The following SPTLC3 variants were observed in gnomAD, a reference collection of about 807,000 sequenced individuals.
SPTLC3 encodes serine palmitoyltransferase long chain base subunit 3.
SPTLC3 carries 36 observed loss-of-function variants against 59.3 expected under a neutral mutation model. That is an observed-to-expected ratio of 0.61 (90% CI 0.47 to 0.80). The LOEUF (loss-of-function observed/expected upper bound fraction) is 0.80. SPTLC3 is among the 30% of genes least tolerant of loss of function. The probability of loss-of-function intolerance (pLI) is 0.00; values close to 1 mark genes in which losing one functional copy is unlikely to be tolerated. For synonymous variants in SPTLC3, 257 were observed against 240.8 expected (o/e 1.07, Z -0.62); for missense variants, 625 against 685.1 (o/e 0.91, Z 0.98).
intron 8 of SPTLC3, among the ~76,000 whole-genome samples, chr20:13,119,510 A>G (rs1372907858): frequency 6.6e-6 from 1 of 152,220 alleles, no homozygotes; most frequent in African/African-American, 2.4e-5. Flanking sequence ...ACCATTATTT[A>G]CATTAATCGG....
intron 1 of SPTLC3, among the ~76,000 whole-genome samples, chr20:13,016,979 G>C (rs1985557617): frequency 6.6e-6 from 1 of 152,090 alleles, no homozygotes; most frequent in Non-Finnish European, 1.5e-5. Context: ...CAACTTATAA[G>C]TATCAAAACC....
At chr20:13,021,545 C>CA (rs1233452711) in intron 1 of SPTLC3, among the ~76,000 whole-genome samples, 4 of 140,250 alleles carry the variant, frequency 2.9e-5, no homozygotes. Context: ...CCACAACAGC[C>CA]CCCCCACCAA....
At chr20:13,061,796 G>C (rs1199449652) in intron 2 of SPTLC3, among the ~76,000 whole-genome samples, 1 of 152,108 alleles carries the variant, frequency 6.6e-6, no homozygotes, top group African/African-American at 2.4e-5. Flanking sequence ...TCTCACCTCA[G>C]ATGTACCCTG....
At chr20:13,139,406 A>T (rs2038328535) in intron 9 of SPTLC3, among the ~76,000 whole-genome samples, 1 of 152,172 alleles carries the variant, frequency 6.6e-6, no homozygotes, top group African/African-American at 2.4e-5. Context: ...TTTTTTCCTA[A>T]CATAAAGTCC....
intron 4 of SPTLC3, among the ~76,000 whole-genome samples, chr20:13,077,529 C>T (rs906439800): frequency 2.6e-5 from 4 of 151,896 alleles, no homozygotes; most frequent in African/African-American, 4.8e-5. Context: ...CTACATAAGT[C>T]ACATTCTTGA....
At chr20:13,060,147 G>A (rs938495128) in intron 2 of SPTLC3, among the ~76,000 whole-genome samples, 6 of 152,172 alleles carry the variant, frequency 3.9e-5, no homozygotes, top group Non-Finnish European at 7.3e-5. Flanking sequence ...GTCTTCCTGA[G>A]GACTGTAGAC....
intron 2 of SPTLC3, among the ~76,000 whole-genome samples, chr20:13,064,271 C>CTTTT (rs33973192): frequency 7.3e-6 from 1 of 137,202 alleles, no homozygotes; most frequent in African/African-American, 2.8e-5. Flanking sequence ...TTTTCCTTTT[C>CTTTT]TTTTTTTTTT....
At chr20:13,128,366 A>G (rs754604212) in intron 9 of SPTLC3, among the ~76,000 whole-genome samples, 3 of 151,594 alleles carry the variant, frequency 2.0e-5, no homozygotes, top group Non-Finnish European at 4.4e-5. Flanking sequence ...CAGTGGCTTA[A>G]CAGAACCAAG....
chr20:13,138,350 A>T (rs1194907330), intron 9 of SPTLC3, among the ~76,000 whole-genome samples: 1 of 151,878 alleles, frequency 6.6e-6, no homozygotes, highest in African/African-American at 2.4e-5. Context: ...CCCACAATAC[A>T]CTACCCCCAT....
chr20:13,050,751 A>G (rs2122503951), intron 2 of SPTLC3: 2 of 152,314 alleles, frequency 1.3e-5, no homozygotes, highest in Middle Eastern at 6.8e-3. Context: ...ACAAGCTAAG[A>G]CAGAATTGGG....
intron 2 of SPTLC3, among the ~76,000 whole-genome samples, chr20:13,062,349 A>G (rs1218782318): frequency 3.3e-5 from 5 of 152,168 alleles, no homozygotes; most frequent in African/African-American, 1.2e-4. Context: ...GCCGAGAAAT[A>G]TTTTGCTAAA....
intron 9 of SPTLC3, among the ~76,000 whole-genome samples, chr20:13,136,394 C>T (rs1312152948): frequency 5.9e-5 from 9 of 151,850 alleles, no homozygotes; most frequent in Non-Finnish European, 2.9e-5. Flanking sequence ...CTCAGAAATT[C>T]GAGACCAGCC....
intron 2 of SPTLC3, among the ~76,000 whole-genome samples, chr20:13,064,105 C>T (rs1988083963): frequency 1.4e-5 from 2 of 147,806 alleles, no homozygotes; most frequent in South Asian, 4.3e-4. Context: ...TTTTGGCTCA[C>T]TGCAACCTCT....
chr20:13,089,498 AT>A (rs1279472223), intron 4 of SPTLC3, among the ~76,000 whole-genome samples: 1 of 152,122 alleles, frequency 6.6e-6, no homozygotes, highest in African/African-American at 2.4e-5. Flanking sequence ...CTATAAAAAA[AT>A]ATCGGGCCAG....
chr20:13,029,173 G>T (rs545625917), intron 1 of SPTLC3, among the ~76,000 whole-genome samples: 2 of 152,240 alleles, frequency 1.3e-5, no homozygotes, highest in East Asian at 3.9e-4. Context: ...TTTTCTTTAA[G>T]AATCCATCCT....
At chr20:13,064,284 G>GTTTTTGTTTTTGTTTTTGT (rs60450737) in intron 2 of SPTLC3, among the ~76,000 whole-genome samples, 1 of 132,470 alleles carries the variant, frequency 7.5e-6, no homozygotes, top group Non-Finnish European at 1.6e-5. Context: ...TTTTTTTTTT[G>GTTTTTGTTTTTGTTTTTGT]TTTTGTTTTT....
intron 9 of SPTLC3, among the ~76,000 whole-genome samples, chr20:13,135,265 T>C (rs2038216109): frequency 6.6e-6 from 1 of 152,212 alleles, no homozygotes; most frequent in South Asian, 2.1e-4. Context: ...TAGGTGTTGA[T>C]TTATCATAGG....
chr20:13,050,078 CAAG>C (rs1252401786), intron 2 of SPTLC3: 3 of 152,032 alleles, frequency 2.0e-5, no homozygotes, highest in Non-Finnish European at 4.4e-5. Flanking sequence ...GGATCCAAAC[CAAG>C]AAGAAATCCC....
At chr20:13,078,648 A>G (rs184623605) in intron 4 of SPTLC3, among the ~76,000 whole-genome samples, 129 of 152,324 alleles carry the variant, frequency 8.5e-4, no homozygotes, top group Admixed American at 2.1e-3. Flanking sequence ...TTATTGAAAG[A>G]CTATTGTACA....
Sources: allele counts gnomAD v4.1 joint callset (sites outside exome capture counted in the v4.1 genomes callset), GRCh38; gene constraint gnomAD v4.1.1; transcripts MANE v1.5; gene names NCBI Gene and HGNC (gene_info 2026-07-23, HGNC 2026-07-21).